Variants in CTNNA2 observed in about 807,000 individuals in gnomAD.
CTNNA2 encodes the protein catenin alpha-2.
In CTNNA2, 42 loss-of-function variants were observed where a neutral mutation model predicts 101.0. The observed-to-expected ratio is 0.42, with a 90% confidence interval of 0.32 to 0.54. The LOEUF (loss-of-function observed/expected upper bound fraction) is 0.54, where lower values mean the gene tolerates loss of function less well. CTNNA2 is among the 20% of genes least tolerant of loss of function. The pLI is 0.14. For missense variants in CTNNA2, 871 were observed against 1,223.1 expected (o/e 0.71, Z 4.29); for synonymous variants, 450 against 456.4 (o/e 0.99, Z 0.18).
chr2:80,525,812 C>A (rs992188402), intron 9 of CTNNA2, among the ~76,000 whole-genome samples: 2 of 152,152 alleles, frequency 1.3e-5, no homozygotes, highest in Admixed American at 6.5e-5. Flanking sequence ...GACTACCTTA[C>A]GCGCTGGCAG....
intron 7 of CTNNA2, among the ~76,000 whole-genome samples, chr2:80,074,838 T>C (rs567665717): frequency 6.6e-6 from 1 of 152,328 alleles, no homozygotes; most frequent in African/African-American, 2.4e-5. Context: ...ATTAGGTTAC[T>C]AAGCCTTACA....
At chr2:79,399,450 T>C (rs1678266978) in intron 4 of CTNNA2, among the ~76,000 whole-genome samples, 1 of 152,116 alleles carries the variant, frequency 6.6e-6, no homozygotes, top group African/African-American at 2.4e-5. Context: ...CACTGAAATG[T>C]ACCCAACACA....
chr2:79,981,628 T>G (rs185390319), intron 7 of CTNNA2, among the ~76,000 whole-genome samples: 122 of 152,280 alleles, frequency 8.0e-4, no homozygotes, highest in African/African-American at 2.8e-3. Context: ...ACAATAGACT[T>G]GCTTTGTAAT....
At chr2:79,323,329 G>A (rs978229528) in intron 3 of CTNNA2, among the ~76,000 whole-genome samples, 1 of 152,152 alleles carries the variant, frequency 6.6e-6, no homozygotes, top group Non-Finnish European at 1.5e-5. Context: ...GATGAGAAAA[G>A]TGCATGGATA....
chr2:79,308,551 C>T (rs773028517), intron 2 of CTNNA2, among the ~76,000 whole-genome samples: 1 of 152,058 alleles, frequency 6.6e-6, no homozygotes, highest in Non-Finnish European at 1.5e-5. Flanking sequence ...CCTGTGCTTT[C>T]GAGCTCTTAT....
intron 4 of CTNNA2, among the ~76,000 whole-genome samples, chr2:79,429,929 T>C (rs1678638692): frequency 6.6e-6 from 1 of 152,206 alleles, no homozygotes; most frequent in South Asian, 2.1e-4. Context: ...CCAAGTCATC[T>C]TTATTTCTTT....
At chr2:79,554,430 A>G (rs777373173) in intron 1 of CTNNA2, among the ~76,000 whole-genome samples, 3 of 152,200 alleles carry the variant, frequency 2.0e-5, no homozygotes, top group Non-Finnish European at 4.4e-5. Flanking sequence ...CATATGCTAT[A>G]TAGTATTACC....
At chr2:80,209,443 G>A (rs1290616864) in intron 7 of CTNNA2, among the ~76,000 whole-genome samples, 4 of 151,872 alleles carry the variant, frequency 2.6e-5, no homozygotes, top group African/African-American at 7.3e-5. Flanking sequence ...CGCCCGCCTC[G>A]GCCTCCCAAA....
chr2:79,960,807 G>A (rs1689575180), intron 7 of CTNNA2, among the ~76,000 whole-genome samples: 1 of 152,152 alleles, frequency 6.6e-6, no homozygotes. Flanking sequence ...GGAGCGATAA[G>A]CAAGGACTTG....
intron 3 of CTNNA2, among the ~76,000 whole-genome samples, chr2:79,854,458 A>G (rs974281604): frequency 6.6e-6 from 1 of 152,230 alleles, no homozygotes; most frequent in Non-Finnish European, 1.5e-5. Context: ...ACTGAAATAC[A>G]AAGGTTGAAT....
rs547320899 is a variant in CTNNA2, at chr2:80,175,050, A to G, written c.1057-218161A>G. 7.2e-5 allele frequency among the ~76,000 whole-genome samples: 11 copies of G among 152,308 alleles called. No homozygotes were observed. In the East Asian group the frequency reaches 2.1e-3, roughly 29 times the overall value. On this transcript the variant is annotated intron_variant, in intron 7 of 18. Transcript: ENST00000402739. ...CTTGACATGACTTTCAAAGTCCTGC[A>G]TGGTCTAGCTCTTCTCCACCTCTCA...
intron 7 of CTNNA2, among the ~76,000 whole-genome samples, chr2:80,145,556 C>T (rs1369990983): frequency 7.9e-5 from 12 of 152,276 alleles, no homozygotes; most frequent in South Asian, 4.1e-4. Flanking sequence ...TGGAAATTCA[C>T]GATTCAATTA....
At chr2:79,692,548 C>A (rs1382163264) in intron 2 of CTNNA2, among the ~76,000 whole-genome samples, 3 of 151,980 alleles carry the variant, frequency 2.0e-5, no homozygotes, top group African/African-American at 4.8e-5. Flanking sequence ...GATTATAAAT[C>A]ATGCTACCAT....
chr2:79,742,853 C>A lies in CTNNA2; in HGVS notation c.103-1534C>A, dbSNP rs184392125. ...AATTATTTAGCAATCAAAAGAGAGC[C>A]GAATAAAACAGCTCCCAACCCTGCA... On this transcript the variant is annotated intron_variant, in intron 2 of 18. Coordinates refer to ENST00000402739, the MANE Select transcript of CTNNA2 (RefSeq NM_001282597.3). Among the ~76,000 whole-genome samples, 14 of 152,214 alleles carry A rather than the reference C, an allele frequency of 9.2e-5. No individual in the cohort carries two copies. The East Asian group carries it at 2.7e-3, about 29-fold the overall frequency.
intron 7 of CTNNA2, among the ~76,000 whole-genome samples, chr2:79,931,421 G>A (rs543406973): frequency 6.6e-6 from 1 of 152,112 alleles, no homozygotes; most frequent in East Asian, 1.9e-4. Flanking sequence ...CTATGCTTCT[G>A]TGACTTTTTT....
intron 3 of CTNNA2, among the ~76,000 whole-genome samples, chr2:79,789,330 G>A (rs1354313745): frequency 6.6e-6 from 1 of 152,174 alleles, no homozygotes; most frequent in African/African-American, 2.4e-5. Flanking sequence ...GTGTCAGGGA[G>A]TGATGAGTGG....
chr2:80,355,503 T>C lies in CTNNA2; in HGVS notation c.1057-37708T>C, dbSNP rs1278204922. 2.0e-5 allele frequency among the ~76,000 whole-genome samples: 3 copies of C among 152,164 alleles called. No homozygotes were observed. In the East Asian group the frequency reaches 5.8e-4, roughly 29 times the overall value. ...CTCCCTTGGGCCACTGTACAAGCCC[T>C]GATTAGTCTTCTGAACAACTTCTTG... On this transcript the variant is annotated intron_variant, in intron 7 of 18. Transcript: ENST00000402739.
At chr2:79,870,082 G>A (rs1682468562) in intron 5 of CTNNA2, 147 bp downstream of exon 5, 7 of 1,036,000 alleles carry the variant, frequency 6.8e-6, no homozygotes, top group Admixed American at 4.9e-5. Flanking sequence ...CTTCCTGCAG[G>A]GGCCAGTTGT....
At chr2:80,054,557 G>T (rs1697096219) in intron 7 of CTNNA2, among the ~76,000 whole-genome samples, 1 of 152,220 alleles carries the variant, frequency 6.6e-6, no homozygotes, top group Non-Finnish European at 1.5e-5. Flanking sequence ...GGGGTAGGAT[G>T]AATATGTGGT....
Sources: allele counts gnomAD v4.1 joint callset (sites outside exome capture counted in the v4.1 genomes callset), GRCh38; gene constraint gnomAD v4.1.1; transcripts MANE v1.5; gene names NCBI Gene and HGNC (gene_info 2026-07-23, HGNC 2026-07-21).